Variants in KDM4D observed in about 807,000 individuals in gnomAD.
KDM4D encodes lysine-specific demethylase 4D.
For missense variants in KDM4D, 427 were observed against 674.8 expected (o/e 0.63, Z 4.07); for synonymous variants, 254 against 249.1 (o/e 1.02, Z -0.19).
intron 2 of KDM4D, among the ~76,000 whole-genome samples, chr11:94,982,564 C>G (rs1555097688): frequency 6.9e-6 from 1 of 144,478 alleles, no homozygotes; most frequent in East Asian, 2.0e-4. Context: ...AAAAAAGAGA[C>G]ATGACTATTA....
At chr11:94,987,507 A>G (rs1857898363) in intron 2 of KDM4D, among the ~76,000 whole-genome samples, 1 of 152,174 alleles carries the variant, frequency 6.6e-6, no homozygotes, top group African/African-American at 2.4e-5. Flanking sequence ...ATCTTCAACT[A>G]CTGACAGGTG....
At chr11:94,980,459 G>C (rs1555097451) in intron 2 of KDM4D, among the ~76,000 whole-genome samples, 1 of 152,072 alleles carries the variant, frequency 6.6e-6, no homozygotes, top group African/African-American at 2.4e-5. Flanking sequence ...AATTTTAATT[G>C]TGATAATATT....
chr11:94,990,692 T>G (rs1857927654), intron 2 of KDM4D, among the ~76,000 whole-genome samples: 1 of 152,194 alleles, frequency 6.6e-6, no homozygotes, highest in South Asian at 2.1e-4. Flanking sequence ...AAGTGTAAAC[T>G]GATTTATCAA....
At chr11:94,985,818 A>T (rs1347522133) in intron 2 of KDM4D, among the ~76,000 whole-genome samples, 4 of 152,196 alleles carry the variant, frequency 2.6e-5, no homozygotes, top group African/African-American at 9.7e-5. Flanking sequence ...CAGTCAATGG[A>T]GAAAGAAAAC....
chr11:94,980,990 G>A (rs1355914217), intron 2 of KDM4D, among the ~76,000 whole-genome samples: 1 of 152,000 alleles, frequency 6.6e-6, no homozygotes, highest in Non-Finnish European at 1.5e-5. Context: ...TCTTTTTCCT[G>A]ATCTGCAAGG....
Position 94,998,955 on chromosome 11 carries a change from T to G in KDM4D, c.*11T>G. 4 of 1,504,174 alleles carry G rather than the reference T, an allele frequency of 2.7e-6. No homozygotes were observed. The highest frequency in any genetic ancestry group is 3.6e-6 in the Non-Finnish European group (4 of 1,126,170). The allele number at this position is 1,504,174 out of a possible 1,614,324, so 93.2% of individuals were successfully genotyped here. ...GCCCCTGTGCCCTAAGTCCACGGGC[T>G]GTCTTTATATCCCACTGCCCTGCTG... On this transcript the variant is annotated 3_prime_UTR_variant, in exon 3 of 3. Transcript: ENST00000335080. This position sits in a 1 kb window ranked among gnomAD's most constrained non-coding sequence, Gnocchi z 6.7.
intron 2 of KDM4D, among the ~76,000 whole-genome samples, chr11:94,984,901 T>A (rs1272002371): frequency 6.6e-6 from 1 of 151,962 alleles, no homozygotes; most frequent in Non-Finnish European, 1.5e-5. Context: ...AACAGTATTA[T>A]TGATGGACAC....
chr11:94,988,399 C>T (rs1015750148), intron 2 of KDM4D, among the ~76,000 whole-genome samples: 1 of 152,272 alleles, frequency 6.6e-6, no homozygotes, highest in East Asian at 1.9e-4. Context: ...TGACCCCTGC[C>T]TCATCAAGGT....
intron 2 of KDM4D, among the ~76,000 whole-genome samples, chr11:94,987,982 G>T (rs1555098282): frequency 2.6e-5 from 4 of 152,122 alleles, no homozygotes; most frequent in African/African-American, 9.7e-5. Flanking sequence ...TTCCAGAGAA[G>T]GAGAAAACTG....
At chr11:94,983,001 C>T (rs946841428) in intron 2 of KDM4D, among the ~76,000 whole-genome samples, 6 of 151,872 alleles carry the variant, frequency 4.0e-5, no homozygotes, top group Non-Finnish European at 7.4e-5. Flanking sequence ...CAGATTTATT[C>T]TAAAATGAAT....
rs587710956 is a variant in KDM4D, at chr11:94,990,063, C to G, written c.-349-6961C>G. Among the ~76,000 whole-genome samples, 3 of 152,266 alleles carry G rather than the reference C, an allele frequency of 2.0e-5. No homozygotes were observed. In the East Asian group the frequency reaches 5.8e-4, roughly 29 times the overall value. On this transcript the variant is annotated intron_variant, in intron 2 of 2. Coordinates refer to ENST00000335080, the MANE Select transcript of KDM4D (RefSeq NM_018039.3). ...CGTGAGCCACCATGCCCAGCCTTAC[C>G]TTCCTTTTCTCATGCAGCTTATGAG...
At chr11:94,986,718 T>A (rs781847236) in intron 2 of KDM4D, among the ~76,000 whole-genome samples, 19 of 152,190 alleles carry the variant, frequency 1.2e-4, no homozygotes, top group Non-Finnish European at 2.1e-4. Context: ...CATATATTGC[T>A]GGTTATAAAT....
Position 94,998,349 on chromosome 11 carries a change from G to T in KDM4D, c.977G>T (p.Arg326Leu). Residue 326 changes from arginine (R) to leucine (L), a missense_variant, in exon 3 of 3, where the codon CGC becomes CTC. Physicochemically the swap from Arg to Leu is moderately radical, Grantham distance 102. Transcript: ENST00000335080. The surrounding 1 kb of genome is among the most constrained non-coding windows in gnomAD (Gnocchi z 6.7). ...ACCTTTTCCATGGATGCCTTCGTGC[G>T]CATCCTGCAACCTGAACGCTATGAC... ...RVTFSMDAFVRILQPERYDLW... is the reference protein window; with the variant it reads ...RVTFSMDAFVLILQPERYDLW... 1 of 1,614,106 alleles carries T rather than the reference G, an allele frequency of 6.2e-7. No homozygotes were observed. The highest frequency in any genetic ancestry group is 1.1e-5 in the South Asian group (1 of 91,078).
Position 94,991,338 on chromosome 11 carries a change from A to G in KDM4D, c.-349-5686A>G, listed in dbSNP as rs1218065689. 2.0e-5 allele frequency among the ~76,000 whole-genome samples: 3 copies of G among 152,234 alleles called. No individual in the cohort carries two copies. The East Asian group carries it at 5.8e-4, about 29-fold the overall frequency. On this transcript the variant is annotated intron_variant, in intron 2 of 2. Coordinates refer to ENST00000335080, the MANE Select transcript of KDM4D (RefSeq NM_018039.3). ...CTACCAGACATGTGAGGAAAGCCTT[A>G]AATATGAAAGAGACCAAAGCAAAAA... is the stretch of plus-strand genomic sequence containing the variant.
Position 94,998,024 on chromosome 11 carries a change from G to T in KDM4D, c.652G>T (p.Glu218Ter). 1 of 1,614,246 alleles carries T rather than the reference G, an allele frequency of 6.2e-7. No individual in the cohort carries two copies. The highest frequency in any genetic ancestry group is 8.5e-7 in the Non-Finnish European group (1 of 1,180,046). ...CAAAACTTGGTATGTGGTGCCCCCA[G>T]AACATGGCCAGCGCCTGGAACGCCT... ...EPKTWYVVPPEHGQRLERLAR... is the reference protein window; with the variant it reads ...EPKTWYVVPP Residue 218 changes from glutamate (E) to a stop codon, truncating the protein, a stop_gained, in exon 3 of 3, where the codon GAA becomes TAA. Coordinates refer to ENST00000335080, the MANE Select transcript of KDM4D (RefSeq NM_018039.3). LOFTEE classifies it low-confidence loss of function (END_TRUNC). The surrounding 1 kb of genome is among the most constrained non-coding windows in gnomAD (Gnocchi z 6.7).
rs1590970907 is a variant in KDM4D, at chr11:94,998,567, A to C, written c.1195A>C (p.Thr399Pro). ...MAARSGTRCHTLVCSSLPRRS... is the reference protein window; with the variant it reads ...MAARSGTRCHPLVCSSLPRRS... Reference sequence around the variant, plus strand: ...TGCCCGCAGTGGGACACGGTGCCACACCCTTGTGTGCTCTTCACTCCCACG... The same window carrying C: ...TGCCCGCAGTGGGACACGGTGCCACCCCCTTGTGTGCTCTTCACTCCCACG... Residue 399 changes from threonine to proline, a missense_variant, in exon 3 of 3, where the codon ACC becomes CCC. Thr to Pro is a conservative substitution (Grantham distance 38). Transcript: ENST00000335080. The surrounding 1 kb of genome is among the most constrained non-coding windows in gnomAD (Gnocchi z 6.7). The C allele has an allele frequency of 6.2e-7, 1 of 1,613,482 alleles. No homozygotes were observed. Among genetic ancestry groups the C allele is most frequent in the Non-Finnish European group, 8.5e-7 (1 of 1,179,972 alleles).
intron 1 of KDM4D, among the ~76,000 whole-genome samples, chr11:94,975,053 G>C (rs1278200710): frequency 2.0e-5 from 3 of 152,168 alleles, no homozygotes; most frequent in Non-Finnish European, 2.9e-5. Context: ...TCAGTCACTC[G>C]CTTACGCACT....
chr11:94,983,807 T>A (rs1280718062), intron 2 of KDM4D, among the ~76,000 whole-genome samples: 6 of 152,154 alleles, frequency 3.9e-5, no homozygotes, highest in Non-Finnish European at 7.4e-5. Flanking sequence ...AAAGTTGACA[T>A]TATCAAATGC....
intron 2 of KDM4D, among the ~76,000 whole-genome samples, chr11:94,992,773 A>C (rs1857946005): frequency 6.6e-6 from 1 of 152,210 alleles, no homozygotes; most frequent in Non-Finnish European, 1.5e-5. Flanking sequence ...ATAATCGTGC[A>C]AAAGTAAAAA....
Sources: allele counts gnomAD v4.1 joint callset (sites outside exome capture counted in the v4.1 genomes callset), GRCh38; gene constraint gnomAD v4.1.1; non-coding constraint Gnocchi (gnomAD v3.1); transcripts MANE v1.5; gene names NCBI Gene and HGNC (gene_info 2026-07-23, HGNC 2026-07-21).